Variants in GPATCH8 observed in about 807,000 individuals in gnomAD.
GPATCH8 encodes the protein G-patch domain containing 8.
Under a neutral mutation model 118.3 loss-of-function variants are expected in GPATCH8, and 18 were observed. The observed-to-expected ratio is 0.15, with a 90% CI of 0.11 to 0.23. GPATCH8 has a LOEUF of 0.23. Ranked by LOEUF, GPATCH8 falls within the 10% of genes least tolerant of loss-of-function variation. The probability of loss-of-function intolerance (pLI) is 1.00; values close to 1 mark genes in which losing one functional copy is unlikely to be tolerated. For missense variants in GPATCH8, 1,631 were observed against 1,873.8 expected, an observed-to-expected ratio of 0.87 and a Z score of 2.39; for synonymous variants, 659 against 684.7, an observed-to-expected ratio of 0.96 and a Z score of 0.59.
At chr17:44,471,062 CTTGTTT>C (rs1417288672) in intron 2 of GPATCH8, among the ~76,000 whole-genome samples, 2 of 152,098 alleles carry the variant, frequency 1.3e-5, no homozygotes, top group African/African-American at 2.4e-5. Flanking sequence ...CACTTTTCAA[CTTGTTT>C]TTAATAGAGA....
intron 1 of GPATCH8, among the ~76,000 whole-genome samples, chr17:44,497,374 G>C (rs1244249938): frequency 6.6e-6 from 1 of 152,078 alleles, no homozygotes; most frequent in South Asian, 2.1e-4. Context: ...AGGATAGCTT[G>C]AGCTCAGGAG....
chr17:44,436,456 T>C (rs756390486), intron 4 of GPATCH8, 22 bp downstream of exon 4: 2 of 1,018,138 alleles, frequency 2.0e-6, no homozygotes, highest in Non-Finnish European at 3.1e-6. Context: ...ACAAAACTTA[T>C]GAGTTAATGA....
At chr17:44,498,598 A>C (rs992326499) in intron 1 of GPATCH8, among the ~76,000 whole-genome samples, 2 of 152,248 alleles carry the variant, frequency 1.3e-5, no homozygotes, top group Admixed American at 6.5e-5. Context: ...GCTAACAATC[A>C]TGTCAATTCA....
intron 1 of GPATCH8, 34 bp from the exon 2 acceptor site, chr17:44,474,937 G>A: frequency 9.8e-7 from 1 of 1,019,534 alleles, no homozygotes; most frequent in South Asian, 1.3e-5. Context: ...TTTTTCAAAA[G>A]CAGTTAAGTG....
chr17:44,491,231 C>T (rs889795420), intron 1 of GPATCH8, among the ~76,000 whole-genome samples: 7 of 152,272 alleles, frequency 4.6e-5, no homozygotes, highest in East Asian at 1.9e-4. Context: ...TGGCTCATGC[C>T]GGTAATCCCA....
Position 44,483,206 on chromosome 17 carries a change from T to A in GPATCH8, c.46-8303A>T, listed in dbSNP as rs1364021990. On this transcript the variant is annotated intron_variant, in intron 1 of 7. Coordinates refer to ENST00000591680, the MANE Select transcript of GPATCH8 (RefSeq NM_001002909.4). Reference sequence around the variant, plus strand: ...ATATATATATATATATATATATATATATATATATATACAGCCTACCTCTCA... The same window carrying A: ...ATATATATATATATATATATATATAAATATATATATACAGCCTACCTCTCA... Among the ~76,000 whole-genome samples, 134 of 77,478 alleles carry A rather than the reference T, an allele frequency of 1.7e-3. 9 individuals are homozygous for A. Among genetic ancestry groups the A allele is most frequent in the Non-Finnish European group, 2.4e-3 (100 of 41,408 alleles). The allele number at this position is 77,478 out of a possible 152,430, so 50.8% of individuals were successfully genotyped here. A position where few individuals can be genotyped will look rare whatever the true frequency, so the allele number is the denominator to read the frequency against.
At chr17:44,468,373 C>CTTT (rs869068538) in intron 2 of GPATCH8, among the ~76,000 whole-genome samples, 29 of 100,012 alleles carry the variant, frequency 2.9e-4, no homozygotes, top group South Asian at 3.5e-4. Flanking sequence ...TTCTTTGTTC[C>CTTT]TTTTTTTTTT....
chr17:44,399,681 G>C lies in GPATCH8; in HGVS notation c.2396C>G (p.Ala799Gly). 1 of 1,614,140 alleles carries C rather than the reference G, an allele frequency of 6.2e-7. No individual in the cohort carries two copies. Among genetic ancestry groups the C allele is most frequent in the Non-Finnish European group, 8.5e-7 (1 of 1,180,014 alleles). ...AGACCGGCTGCTCCGTTTGGTGCCT[G>C]CTCTTCGCTGGCAGGATGAAGGTGG... ...ELPPSSCQRR[A>G]GTKRSSRSSH... is the part of the protein sequence containing the mutation. Residue 799 changes from alanine (A) to glycine (G), a missense_variant, in exon 8 of 8, where the codon GCA becomes GGA. This residue lies in a region of GPATCH8 where 922 missense variants were observed against 879.7 expected (regional missense o/e 1.05). Coordinates refer to ENST00000591680, the MANE Select transcript of GPATCH8 (RefSeq NM_001002909.4).
At chr17:44,475,746 C>T (rs1370217035) in intron 1 of GPATCH8, among the ~76,000 whole-genome samples, 2 of 151,910 alleles carry the variant, frequency 1.3e-5, no homozygotes, top group Admixed American at 1.3e-4. Flanking sequence ...TGTATTAGAG[C>T]TGGGCACAGT....
chr17:44,478,874 G>A (rs918526090), intron 1 of GPATCH8, among the ~76,000 whole-genome samples: 3 of 151,892 alleles, frequency 2.0e-5, no homozygotes, highest in Non-Finnish European at 4.4e-5. Flanking sequence ...AAGTAGCTAG[G>A]GCAACAGGCA....
At chr17:44,440,295 G>A (rs1444444781) in intron 3 of GPATCH8, among the ~76,000 whole-genome samples, 3 of 152,142 alleles carry the variant, frequency 2.0e-5, no homozygotes, top group Admixed American at 2.0e-4. Context: ...TGGCCAACTG[G>A]AGAAGGGAAA....
At chr17:44,449,912 G>A (rs909867357) in intron 3 of GPATCH8, among the ~76,000 whole-genome samples, 1 of 152,206 alleles carries the variant, frequency 6.6e-6, no homozygotes, top group African/African-American at 2.4e-5. Flanking sequence ...GACTTGTTTA[G>A]TAAAGGTAGC....
intron 3 of GPATCH8, among the ~76,000 whole-genome samples, chr17:44,440,834 CTT>C (rs2050664588): frequency 6.6e-6 from 1 of 151,860 alleles, no homozygotes; most frequent in African/African-American, 2.4e-5. Flanking sequence ...AGAAAGAACT[CTT>C]TTGTTGTTTT....
At chr17:44,496,267 C>T (rs1969664558) in intron 1 of GPATCH8, among the ~76,000 whole-genome samples, 1 of 152,164 alleles carries the variant, frequency 6.6e-6, no homozygotes, top group African/African-American at 2.4e-5. Flanking sequence ...GTAAGCTCCT[C>T]TTTTCTTATT....
At chr17:44,407,469 C>A (rs955046392) in intron 6 of GPATCH8, among the ~76,000 whole-genome samples, 3 of 152,130 alleles carry the variant, frequency 2.0e-5, no homozygotes, top group African/African-American at 7.2e-5. Context: ...TGTGTACATA[C>A]ACACAGACTG....
At chr17:44,429,649 AACACAC>A (rs144232073) in intron 5 of GPATCH8, among the ~76,000 whole-genome samples, 1,323 of 125,686 alleles carry the variant, frequency 0.011, 15 homozygotes, top group Non-Finnish European at 0.013. Flanking sequence ...GTCTCTACTA[AACACAC>A]ACACACACAC....
chr17:44,437,963 A>AAC lies in GPATCH8; in HGVS notation c.194-1420_194-1419dup, dbSNP rs1567988048. ...CATGTCAGAAAAAAAAAAAAAACAAAACAACAACTTCTAGAATACAGCCTT... is the reference window on the plus strand; with the variant it reads ...CATGTCAGAAAAAAAAAAAAAACAAAACACAACAACTTCTAGAATACAGCCTT... On this transcript the variant is annotated intron_variant, in intron 3 of 7. Transcript: ENST00000591680. Among the ~76,000 whole-genome samples, 16 of 145,938 alleles carry AAC rather than the reference A, an allele frequency of 1.1e-4. 1 individual carries two copies. Among genetic ancestry groups the AAC allele is most frequent in the Middle Eastern group, 3.6e-3 (1 of 280 alleles).
At chr17:44,485,411 GC>G (rs1199075260) in intron 1 of GPATCH8, among the ~76,000 whole-genome samples, 2 of 152,066 alleles carry the variant, frequency 1.3e-5, no homozygotes, top group Non-Finnish European at 2.9e-5. Flanking sequence ...ACAGCGCCTG[GC>G]CTTTACTAAT....
At chr17:44,466,258 T>A (rs1363471932) in intron 2 of GPATCH8, among the ~76,000 whole-genome samples, 1 of 152,138 alleles carries the variant, frequency 6.6e-6, no homozygotes. Context: ...TCCTCCCTCC[T>A]CAGCCTCTCA....
Sources: gnomAD v4.1 joint callset for allele counts (sites outside exome capture counted in the v4.1 genomes callset) on GRCh38, gnomAD v4.1.1 for gene constraint, gnomAD v4.1.1 regional missense constraint, MANE v1.5 for transcripts, NCBI Gene and HGNC (gene_info 2026-07-23, HGNC 2026-07-21) for gene names.